STARD3NL: variants seen among roughly 807,000 people sequenced by gnomAD.
STARD3NL encodes the protein STARD3 N-terminal-like protein.
Under a neutral mutation model 30.9 loss-of-function variants are expected in STARD3NL, and 17 were observed. The observed-to-expected ratio is 0.55, with a 90% CI of 0.38 to 0.82. The LOEUF is 0.82. STARD3NL is among the 40% of genes least tolerant of loss of function. The probability of loss-of-function intolerance (pLI) is 0.00; values close to 1 mark genes in which losing one functional copy is unlikely to be tolerated. For synonymous variants in STARD3NL, 112 were observed against 100.5 expected, an observed-to-expected ratio of 1.11 and a Z score of -0.69; for missense variants, 234 against 277.6, an observed-to-expected ratio of 0.84 and a Z score of 1.12.
intron 7 of STARD3NL, among the ~76,000 whole-genome samples, chr7:38,223,566 T>G (rs1265099127): frequency 2.6e-5 from 4 of 152,138 alleles, no homozygotes; most frequent in Non-Finnish European, 5.9e-5. Context: ...CTCCCCAGAG[T>G]AGCCATGCAT....
At chr7:38,218,823 CT>C (rs1163864888) in intron 6 of STARD3NL, among the ~76,000 whole-genome samples, 6 of 152,104 alleles carry the variant, frequency 3.9e-5, no homozygotes, top group East Asian at 3.8e-4. Context: ...TTTTAAGACA[CT>C]TTTTTTCTTT....
chr7:38,215,344 A>C (rs560637148), intron 4 of STARD3NL: 1 of 506,392 alleles, frequency 2.0e-6, no homozygotes, highest in African/African-American at 1.9e-5. Flanking sequence ...TAGAAGCCCA[A>C]CAGTGATTAT....
intron 7 of STARD3NL, among the ~76,000 whole-genome samples, chr7:38,223,243 G>A (rs74737353): frequency 0.014 from 2,116 of 152,244 alleles, 80 homozygotes; most frequent in Non-Finnish European, 0.012. Flanking sequence ...GGATAGCACG[G>A]TTTATTAGAT....
rs774143220 is a variant in STARD3NL, at chr7:38,214,415, C to A, written c.284C>A (p.Ser95Tyr). The A allele has an allele frequency of 1.3e-6, 2 of 1,598,778 alleles. No homozygotes were observed. The highest frequency in any genetic ancestry group is 3.4e-5 in the Admixed American group (2 of 59,356). The change falls in exon 3 of 9, where the codon TCT becomes TAT. Residue 95 changes from serine (S) to tyrosine (Y), a missense_variant. Ser to Tyr is a moderately radical substitution (Grantham distance 144). Transcript: ENST00000009041. ...GAGGTGATGCAGTATGACTACTATT[C>A]TTCATATTTTGATATATTTGTAAGT... Reference protein sequence around the residue: ...EKEVMQYDYYSSYFDIFLLAV... With the variant: ...EKEVMQYDYYYSYFDIFLLAV...
intron 1 of STARD3NL, 121 bp from the exon 2 acceptor site, chr7:38,207,326 C>G (rs1785540177): frequency 3.4e-6 from 2 of 589,964 alleles, no homozygotes; most frequent in African/African-American, 3.7e-5. Context: ...TTCATGAAAA[C>G]ATAAATCAGT....
chr7:38,182,469 G>A (rs1399851681), intron 1 of STARD3NL, among the ~76,000 whole-genome samples: 1 of 152,190 alleles, frequency 6.6e-6, no homozygotes, highest in Non-Finnish European at 1.5e-5. Context: ...GACTAGCCCT[G>A]TGTTACTTGC....
At chr7:38,189,373 A>G (rs1193956371) in intron 1 of STARD3NL, among the ~76,000 whole-genome samples, 26 of 152,188 alleles carry the variant, frequency 1.7e-4, no homozygotes. Context: ...GTGCAGTTGA[A>G]ATGTGCATCC....
chr7:38,203,237 G>T (rs1785273845), intron 1 of STARD3NL, among the ~76,000 whole-genome samples: 1 of 152,152 alleles, frequency 6.6e-6, no homozygotes, highest in Non-Finnish European at 1.5e-5. Context: ...CAGAGAGAAA[G>T]GTCGGGTTAC....
intron 6 of STARD3NL, among the ~76,000 whole-genome samples, chr7:38,217,584 A>G (rs1006847079): frequency 6.6e-6 from 1 of 152,248 alleles, no homozygotes; most frequent in African/African-American, 2.4e-5. Context: ...AACAAAAAAT[A>G]GCCAGCACTT....
rs2116467238 is a variant in STARD3NL at position 38,228,818 on chromosome 7, A to G, written c.669A>G (p.Glu223=). The G allele has an allele frequency of 1.2e-6, 2 of 1,612,982 alleles. No individual in the cohort carries two copies. Among genetic ancestry groups the G allele is most frequent in the East Asian group, 4.5e-5 (2 of 44,758 alleles). The change falls in exon 8 of 9, where the codon GAA becomes GAG. Residue 223 remains glutamate, a synonymous_variant. Transcript: ENST00000009041. ...ACGTAGGATCTGAAGAAGCTGAAGA[A>G]AAACAGGACAGTGAGAAACCACTTT... ...ESEAGSEEAE[E]KQDSEKPLLE... is the part of the protein sequence containing the mutation.
intron 7 of STARD3NL, among the ~76,000 whole-genome samples, chr7:38,220,535 C>T (rs565115678): frequency 1.1e-4 from 17 of 152,246 alleles, no homozygotes; most frequent in Non-Finnish European, 2.2e-4. Flanking sequence ...TTGTGCATTA[C>T]GGGTGAGAAT....
chr7:38,220,318 G>A lies in STARD3NL; in HGVS notation c.649+658G>A, dbSNP rs1786379057. Among the ~76,000 whole-genome samples the A allele has an allele frequency of 2.0e-5, 3 of 152,112 alleles. No individual in the cohort carries two copies. The South Asian group carries it at 6.2e-4, about 32-fold the overall frequency. On this transcript the variant is annotated intron_variant, in intron 7 of 8. Coordinates refer to ENST00000009041, the MANE Select transcript of STARD3NL (RefSeq NM_032016.4). ...CAACCTGATTAAAAAATATGCAAGGGTTTTGATAGACATTTCTCCAAAGAA... is the reference window on the plus strand; with the variant it reads ...CAACCTGATTAAAAAATATGCAAGGATTTTGATAGACATTTCTCCAAAGAA...
intron 2 of STARD3NL, among the ~76,000 whole-genome samples, chr7:38,211,968 C>CTTCTTTTCCACTGTTTCCCT (rs1280267721): frequency 7.2e-5 from 11 of 151,956 alleles, no homozygotes; most frequent in Admixed American, 2.6e-4. Context: ...CACTGTTTCC[C>CTTCTTTTCCACTGTTTCCCT]TTCTTTTCCA....
In STARD3NL at chr7:38,217,152, G is replaced by A. The variant is rs752807460; in HGVS notation, c.436-36G>A. 27 of 1,613,708 alleles carry A rather than the reference G, an allele frequency of 1.7e-5. No homozygotes were observed. The South Asian group carries it at 2.7e-4, about 16-fold the overall frequency. ...CCTCGTTTTTCAGTGTGAGTTTGTGGTAACTGCATTTCCCTTTCCTGGTCG... is the reference window on the plus strand; with the variant it reads ...CCTCGTTTTTCAGTGTGAGTTTGTGATAACTGCATTTCCCTTTCCTGGTCG... On this transcript the variant is annotated intron_variant, in intron 5 of 8. Coordinates refer to ENST00000009041, the MANE Select transcript of STARD3NL (RefSeq NM_032016.4).
Position 38,207,495 on chromosome 7 carries a change from C to T in STARD3NL, c.-10C>T, listed in dbSNP as rs748271175. On this transcript the variant is annotated 5_prime_UTR_variant, in exon 2 of 9. Coordinates refer to ENST00000009041, the MANE Select transcript of STARD3NL (RefSeq NM_032016.4). Reference sequence around the variant, plus strand: ...AGGTTGGAAAAAGGCTCCTGTAACCCTCCTCCAGGATGAACCACCTGCCAG... The same window carrying T: ...AGGTTGGAAAAAGGCTCCTGTAACCTTCCTCCAGGATGAACCACCTGCCAG... 1 of 1,612,780 alleles carries T rather than the reference C, an allele frequency of 6.2e-7. No individual in the cohort carries two copies. Among genetic ancestry groups the T allele is most frequent in the African/African-American group, 1.3e-5 (1 of 74,892 alleles).
intron 7 of STARD3NL, among the ~76,000 whole-genome samples, chr7:38,225,002 A>G (rs1351733021): frequency 1.3e-5 from 2 of 152,168 alleles, no homozygotes; most frequent in South Asian, 4.1e-4. Context: ...TTCTCCATAT[A>G]TTCACCAATG....
intron 1 of STARD3NL, among the ~76,000 whole-genome samples, chr7:38,190,398 T>C (rs559826105): frequency 1.5e-3 from 221 of 152,310 alleles, no homozygotes; most frequent in African/African-American, 5.1e-3. Flanking sequence ...CACATACATA[T>C]GCTACATGTG....
At chr7:38,218,428 T>C (rs1220158266) in intron 6 of STARD3NL, among the ~76,000 whole-genome samples, 3 of 152,174 alleles carry the variant, frequency 2.0e-5, no homozygotes, top group African/African-American at 7.2e-5. Context: ...GTCTATTCCT[T>C]TGTGAAAGTG....
intron 8 of STARD3NL, 88 bp downstream of exon 8, chr7:38,228,959 A>C: frequency 1.1e-6 from 1 of 940,940 alleles, no homozygotes; most frequent in Non-Finnish European, 1.6e-6. Context: ...TCAAAGAATA[A>C]GAGTGTAAGG....
Sources: gnomAD v4.1 joint callset for allele counts (sites outside exome capture counted in the v4.1 genomes callset) on GRCh38, gnomAD v4.1.1 for gene constraint, MANE v1.5 for transcripts, NCBI Gene and HGNC (gene_info 2026-07-23, HGNC 2026-07-21) for gene names.